TIMD4: variants seen among roughly 807,000 people sequenced by gnomAD.
TIMD4 encodes T-cell immunoglobulin and mucin domain-containing protein 4.
Under a neutral mutation model 41.2 loss-of-function variants are expected in TIMD4, and 31 were observed. The observed-to-expected ratio is 0.75, with a 90% CI of 0.57 to 1.01. The LOEUF is 1.01. Ranked by LOEUF, TIMD4 falls within the 50% of genes least tolerant of loss-of-function variation. The probability of loss-of-function intolerance (pLI) is 0.00; values close to 1 mark genes in which losing one functional copy is unlikely to be tolerated. For synonymous variants in TIMD4, 204 were observed against 177.1 expected, an observed-to-expected ratio of 1.15 and a Z score of -1.21; for missense variants, 479 against 472.5, an observed-to-expected ratio of 1.01 and a Z score of -0.13.
intron 2 of TIMD4, among the ~76,000 whole-genome samples, chr5:156,953,695 G>C (rs1052357360): frequency 2.3e-4 from 32 of 138,042 alleles, no homozygotes; most frequent in Non-Finnish European, 3.7e-4. Context: ...AGAGAATATA[G>C]ATGTCTAGAT....
chr5:156,958,129 G>A (rs1441956712), intron 1 of TIMD4, among the ~76,000 whole-genome samples: 1 of 151,738 alleles, frequency 6.6e-6, no homozygotes, highest in Non-Finnish European at 1.5e-5. Flanking sequence ...AAAATCAGCT[G>A]GGCGTGGTTG....
chr5:156,926,834 G>A (rs1167784689), intron 5 of TIMD4, among the ~76,000 whole-genome samples: 1 of 152,210 alleles, frequency 6.6e-6, no homozygotes, highest in African/African-American at 2.4e-5. Flanking sequence ...ATATCATGAG[G>A]ATGCCAGGCT....
chr5:156,920,328 A>G, intron 8 of TIMD4, 136 bp downstream of exon 8: 1 of 985,898 alleles, frequency 1.0e-6, no homozygotes. Flanking sequence ...CAACTTTTTC[A>G]CTTCTAATGT....
chr5:156,925,633 T>A (rs974448208), intron 6 of TIMD4, among the ~76,000 whole-genome samples: 16 of 152,232 alleles, frequency 1.1e-4, no homozygotes, highest in African/African-American at 3.6e-4. Context: ...GAAATATTGA[T>A]GGCAGGTGTT....
chr5:156,919,556 G>C lies in TIMD4; in HGVS notation c.1053-15C>G. 1.2e-6 allele frequency: 2 copies of C among 1,607,082 alleles called. No homozygotes were observed. The highest frequency in any genetic ancestry group is 1.7e-6 in the Non-Finnish European group (2 of 1,174,226). Reference sequence around the variant, plus strand: ...TGTAGTCTAGCCTGTAAACAGAAAAGAGGGGCTCATAATGGGAAACACAAG... The same window carrying C: ...TGTAGTCTAGCCTGTAAACAGAAAACAGGGGCTCATAATGGGAAACACAAG... On this transcript the variant is annotated splice_polypyrimidine_tract_variant and intron_variant, in intron 8 of 8. Coordinates refer to ENST00000274532, the MANE Select transcript of TIMD4 (RefSeq NM_138379.3).
chr5:156,929,453 T>C (rs1036367142), intron 5 of TIMD4, among the ~76,000 whole-genome samples: 1 of 152,164 alleles, frequency 6.6e-6, no homozygotes, highest in African/African-American at 2.4e-5. Flanking sequence ...TGTAATTAGT[T>C]AAGCTCTTGA....
intron 4 of TIMD4, among the ~76,000 whole-genome samples, 162 bp downstream of exon 4, chr5:156,949,485 GAACA>G (rs1759812658): frequency 6.6e-6 from 1 of 151,218 alleles, no homozygotes; most frequent in South Asian, 2.1e-4. Context: ...CCACAAGAAG[GAACA>G]AACTACAAAG....
chr5:156,941,325 A>T (rs1759648896), intron 5 of TIMD4, among the ~76,000 whole-genome samples: 1 of 152,222 alleles, frequency 6.6e-6, no homozygotes, highest in Non-Finnish European at 1.5e-5. Flanking sequence ...TACTAAAAAA[A>T]ATTAAAAAAA....
At chr5:156,942,175 C>T (rs113228106) in intron 5 of TIMD4, among the ~76,000 whole-genome samples, 4,122 of 152,270 alleles carry the variant, frequency 0.027, 72 homozygotes, top group South Asian at 0.063. Flanking sequence ...ATTTGTGCTA[C>T]AGTTTTTGAC....
Position 156,945,386 on chromosome 5 carries a change from C to A in TIMD4, c.844+3030G>T, listed in dbSNP as rs112520416. ...ATGGTGTTAAAACAAGGCAGACCTA[C>A]AATGGTAGGTGTTAGCTTCCCTAAT... On this transcript the variant is annotated intron_variant, in intron 5 of 8. Transcript: ENST00000274532. Among the ~76,000 whole-genome samples the A allele has an allele frequency of 4.6e-5, 7 of 152,334 alleles. No individual in the cohort carries two copies. In the South Asian group the frequency reaches 1.4e-3, roughly 32 times the overall value.
intron 5 of TIMD4, among the ~76,000 whole-genome samples, chr5:156,943,152 C>T (rs756453290): frequency 2.2e-4 from 34 of 152,088 alleles, no homozygotes; most frequent in Admixed American, 6.6e-4. Flanking sequence ...GCAGAAGTGG[C>T]CTCTTGTTAC....
chr5:156,924,004 AT>A (rs1319400245), intron 6 of TIMD4: 302 of 180,890 alleles, frequency 1.7e-3, no homozygotes, highest in South Asian at 3.1e-3. Flanking sequence ...ACACTCGGCT[AT>A]TTTTTTTTTA....
rs377656642 is a variant in TIMD4, at chr5:156,960,595, C to T, written c.58+2546G>A. The stretch of plus-strand genomic sequence containing the variant: ...CTAATTTTTATATTTTTAGTAGAGA[C>T]GGGGTTTCACCATGTTGGCCAGGCT... On this transcript the variant is annotated intron_variant, in intron 1 of 8. Coordinates refer to ENST00000274532, the MANE Select transcript of TIMD4 (RefSeq NM_138379.3). Among the ~76,000 whole-genome samples, 76 of 152,062 alleles carry T rather than the reference C, an allele frequency of 5.0e-4. 2 individuals carry two copies. The South Asian group carries it at 0.013, about 26-fold the overall frequency.
intron 2 of TIMD4, 141 bp from the exon 3 acceptor site, chr5:156,951,931 G>T: frequency 8.7e-7 from 1 of 1,144,896 alleles, no homozygotes; most frequent in African/African-American, 1.5e-5. Flanking sequence ...CAATAAAATT[G>T]TGTTTCCTGC....
intron 5 of TIMD4, among the ~76,000 whole-genome samples, chr5:156,944,211 T>C (rs2113372404): frequency 6.6e-6 from 1 of 152,366 alleles, no homozygotes; most frequent in Non-Finnish European, 1.5e-5. Context: ...GAGTTGTTAC[T>C]GTTGTTTTAT....
intron 1 of TIMD4, among the ~76,000 whole-genome samples, chr5:156,955,479 A>G (rs957737451): frequency 6.6e-6 from 1 of 152,090 alleles, no homozygotes; most frequent in African/African-American, 2.4e-5. Flanking sequence ...ACACAGTGAA[A>G]CCCCGTCTCT....
At chr5:156,954,351 A>T in intron 2 of TIMD4, 64 bp downstream of exon 2, 1 of 1,470,006 alleles carries the variant, frequency 6.8e-7, no homozygotes, top group Non-Finnish European at 9.3e-7. Flanking sequence ...CCATCCACTG[A>T]TCCCATTGTC....
chr5:156,941,446 C>T (rs550449546), intron 5 of TIMD4, among the ~76,000 whole-genome samples: 1 of 152,322 alleles, frequency 6.6e-6, no homozygotes, highest in African/African-American at 2.4e-5. Flanking sequence ...TTGGATTAAA[C>T]CAGACTGTTA....
intron 5 of TIMD4, among the ~76,000 whole-genome samples, chr5:156,940,492 G>A (rs927745764): frequency 4.8e-5 from 7 of 146,816 alleles, no homozygotes; most frequent in East Asian, 4.1e-4. Context: ...CCCGGCCGCC[G>A]CCCCGTCTAG....
Sources: allele counts gnomAD v4.1 joint callset (sites outside exome capture counted in the v4.1 genomes callset), GRCh38; gene constraint gnomAD v4.1.1; transcripts MANE v1.5; gene names NCBI Gene and HGNC (gene_info 2026-07-23, HGNC 2026-07-21).